LINGO1: variants seen among roughly 807,000 people sequenced by gnomAD.
LINGO1 encodes the protein leucine-rich repeat and immunoglobulin-like domain-containing nogo receptor-interacting protein 1.
LINGO1 carries 11 observed loss-of-function variants against 37.3 expected under a neutral mutation model. The ratio of observed to expected loss-of-function variants is 0.29; its 90% CI spans 0.19 to 0.49. The LOEUF (loss-of-function observed/expected upper bound fraction) is 0.49, where lower values mean the gene tolerates loss of function less well. Among genes scored for constraint, LINGO1 ranks in the 20% least tolerant of loss-of-function variants. The pLI is 0.99. For missense variants in LINGO1, 585 were observed against 878.2 expected (o/e 0.67, Z 4.22); for synonymous variants, 387 against 403.0 (o/e 0.96, Z 0.48).
rs114506557 is a variant in LINGO1, at chr15:77,730,830, G to A, written c.-195+4162C>T. ...GGAGGTGTGGCCCATGCCTCCCTCA[G>A]GCCTGGCCACAGAAAGGCTGGTAAA... On this transcript the variant is annotated intron_variant, in intron 2 of 3. Transcript: ENST00000561686. Among the ~76,000 whole-genome samples the A allele has an allele frequency of 2.5e-3, 375 of 152,366 alleles. 3 individuals carry two copies. The highest frequency in any genetic ancestry group is 8.5e-3 in the African/African-American group (354 of 41,584).
chr15:77,670,779 G>A (rs969177739), intron 3 of LINGO1, among the ~76,000 whole-genome samples: 1 of 152,256 alleles, frequency 6.6e-6, no homozygotes, highest in African/African-American at 2.4e-5. Context: ...GCCAGCTGCT[G>A]CTGGGCAGGG....
chr15:77,640,395 G>A (rs1430199647), intron 3 of LINGO1, among the ~76,000 whole-genome samples: 1 of 152,136 alleles, frequency 6.6e-6, no homozygotes, highest in Non-Finnish European at 1.5e-5. Flanking sequence ...CTCAAATCAC[G>A]GACAGACAAC....
intron 1 of LINGO1, among the ~76,000 whole-genome samples, chr15:77,740,059 G>C (rs1443764449): frequency 6.6e-6 from 1 of 152,262 alleles, no homozygotes; most frequent in Non-Finnish European, 1.5e-5. Context: ...TGTAAAGCCT[G>C]GTGGCAGAGG....
chr15:77,613,827 T>G lies in LINGO1; in HGVS notation c.*217A>C. On this transcript the variant is annotated 3_prime_UTR_variant, in exon 2 of 2. Transcript: ENST00000355300. The stretch of plus-strand genomic sequence containing the variant: ...ACTCCAGTCTGTCAATGCCCCTGTG[T>G]AGGTGGGGTCCCCAGGTCTGGGCTT... 2 of 578,814 alleles carry G rather than the reference T, an allele frequency of 3.5e-6. No individual in the cohort carries two copies. The highest frequency in any genetic ancestry group is 3.1e-6 in the Non-Finnish European group (1 of 325,360). 35.9% of individuals were successfully genotyped at this position (578,814 alleles called of 1,614,324 possible).
At chr15:77,810,802 G>A (rs2076999487) in intron 1 of LINGO1, among the ~76,000 whole-genome samples, 1 of 152,198 alleles carries the variant, frequency 6.6e-6, no homozygotes, top group African/African-American at 2.4e-5. Context: ...CAAGGAGGCG[G>A]GGAAGCCCAG....
At chr15:77,700,934 G>A (rs1026922404), upstream of LINGO1, among the ~76,000 whole-genome samples, 2 of 152,200 alleles carry the variant, frequency 1.3e-5, no homozygotes, top group African/African-American at 4.8e-5. Context: ...GGTCTAAACA[G>A]GCAGGAGTGG....
chr15:77,689,049 GAGA>G (rs1255041449), intron 2 of LINGO1, among the ~76,000 whole-genome samples: 1 of 152,222 alleles, frequency 6.6e-6, no homozygotes, highest in Non-Finnish European at 1.5e-5. Context: ...AGGCTTCCTG[GAGA>G]AGAAGGGACC....
chr15:77,736,083 CTGTAGAGT>C (rs2076201230), intron 1 of LINGO1, among the ~76,000 whole-genome samples: 1 of 152,210 alleles, frequency 6.6e-6, no homozygotes, highest in South Asian at 2.1e-4. Flanking sequence ...ATACAGTAGT[CTGTAGAGT>C]AAACACTCTC....
upstream of LINGO1, among the ~76,000 whole-genome samples, chr15:77,698,623 C>G (rs111402596): frequency 2.1e-3 from 314 of 152,308 alleles, 2 homozygotes; most frequent in African/African-American, 6.9e-3. Context: ...AGCACCTCTT[C>G]CTCCAAGGCG....
chr15:77,640,320 C>T (rs74025336), intron 3 of LINGO1, among the ~76,000 whole-genome samples: 3,632 of 152,204 alleles, frequency 0.024, 157 homozygotes, highest in African/African-American at 0.082. Flanking sequence ...GAAGTGTGGA[C>T]GAGAGAAGGC....
chr15:77,646,922 G>A (rs2074644950), intron 3 of LINGO1, among the ~76,000 whole-genome samples: 1 of 152,184 alleles, frequency 6.6e-6, no homozygotes, highest in Admixed American at 6.5e-5. Context: ...ACTCTCAATG[G>A]CCCTATGAGG....
intron 3 of LINGO1, among the ~76,000 whole-genome samples, chr15:77,668,792 T>TAC (rs34476518): frequency 0.18 from 24,619 of 134,680 alleles, 2,228 homozygotes; most frequent in Admixed American, 0.3. Context: ...CACAGGGGAA[T>TAC]ACACACACAC....
chr15:77,776,004 T>G (rs1349004630), intron 1 of LINGO1, among the ~76,000 whole-genome samples: 7 of 152,036 alleles, frequency 4.6e-5, no homozygotes, highest in African/African-American at 1.7e-4. Context: ...CTCAATGTCC[T>G]CGTCACCGCC....
chr15:77,619,275 G>C (rs1448069342), intron 1 of LINGO1, among the ~76,000 whole-genome samples: 2 of 152,170 alleles, frequency 1.3e-5, no homozygotes, highest in African/African-American at 4.8e-5. Context: ...TCTTTGAAAG[G>C]AAACATGCGC....
intron 1 of LINGO1, among the ~76,000 whole-genome samples, chr15:77,749,159 C>T (rs1427669971): frequency 1.3e-5 from 2 of 151,964 alleles, no homozygotes; most frequent in Admixed American, 6.6e-5. Flanking sequence ...CCGCCTGCCT[C>T]GGCCTCCCAA....
Position 77,615,012 on chromosome 15 carries a change from T to G in LINGO1, c.895A>C (p.Ile299Leu). The change falls in exon 2 of 2, where the codon ATC (isoleucine) becomes CTC (leucine). Residue 299 changes from isoleucine (I) to leucine (L), a missense_variant. Coordinates refer to ENST00000355300, the MANE Select transcript of LINGO1 (RefSeq NM_032808.7). ...LRFLNLSYNP[I>L]STIEGSMLHE... is the part of the protein sequence containing the mutation. Reference sequence around the variant, plus strand: ...AACATGGAGCCCTCAATGGTGCTGATGGGGTTGTAGGAGAGGTTGAGGAAG... The same window carrying G: ...AACATGGAGCCCTCAATGGTGCTGAGGGGGTTGTAGGAGAGGTTGAGGAAG... 1 of 1,613,836 alleles carries G rather than the reference T, an allele frequency of 6.2e-7. No individual in the cohort carries two copies. Among genetic ancestry groups the G allele is most frequent in the Non-Finnish European group, 8.5e-7 (1 of 1,179,842 alleles).
chr15:77,750,365 G>A (rs947710971), intron 1 of LINGO1, among the ~76,000 whole-genome samples: 1 of 152,226 alleles, frequency 6.6e-6, no homozygotes, highest in Non-Finnish European at 1.5e-5. Context: ...TATTAAAAGT[G>A]CCTTATAATT....
intron 2 of LINGO1, among the ~76,000 whole-genome samples, chr15:77,701,938 A>G (rs907602799): frequency 6.6e-6 from 1 of 152,186 alleles, no homozygotes; most frequent in Admixed American, 6.5e-5. Flanking sequence ...GCATGGGGCC[A>G]GGAGTTTGGG....
At chr15:77,620,748 G>T (rs1415379113) in intron 1 of LINGO1, among the ~76,000 whole-genome samples, 1 of 152,240 alleles carries the variant, frequency 6.6e-6, no homozygotes, top group African/African-American at 2.4e-5. Context: ...ATCTCTCTGT[G>T]GGAGGGGGGC....
Sources: gnomAD v4.1 joint callset for allele counts (sites outside exome capture counted in the v4.1 genomes callset) on GRCh38, gnomAD v4.1.1 for gene constraint, MANE v1.5 for transcripts, NCBI Gene and HGNC (gene_info 2026-07-23, HGNC 2026-07-21) for gene names.